The following BIN1 variants were observed in gnomAD, a reference collection of about 807,000 sequenced individuals.
BIN1 encodes the protein myc box-dependent-interacting protein 1.
In BIN1, 53 loss-of-function variants were observed where a neutral mutation model predicts 82.0. That is an observed-to-expected ratio of 0.65 (90% CI 0.52 to 0.81). The LOEUF (loss-of-function observed/expected upper bound fraction) is 0.81, where lower values mean the gene tolerates loss of function less well. BIN1 is among the 40% of genes least tolerant of loss of function. The pLI, the probability that BIN1 is intolerant of heterozygous loss-of-function variation, is 0.00. For synonymous variants in BIN1, 302 were observed against 328.0 expected, an observed-to-expected ratio of 0.92 and a Z score of 0.86; for missense variants, 642 against 784.4, an observed-to-expected ratio of 0.82 and a Z score of 2.17.
At position 127,053,287 on chromosome 2, in the gene BIN1, C is replaced by A. The variant is rs1373460560; in HGVS notation, c.1263+135G>T. On this transcript the variant is annotated intron_variant, in intron 14 of 18. Coordinates refer to ENST00000316724, the MANE Select transcript of BIN1 (RefSeq NM_139343.3). ...TTCACCAGCTCCCTGTGCGTGAGCA[C>A]GTGCCTGTGTGTCCTGCGTGTGGGG... The A allele has an allele frequency of 4.6e-6, 6 of 1,304,950 alleles. No homozygotes were observed. The South Asian group carries it at 6.3e-5, about 14-fold the overall frequency. 80.8% of individuals were successfully genotyped at this position (1,304,950 alleles called of 1,614,324 possible). A position where few individuals can be genotyped will look rare whatever the true frequency, so the allele number is the denominator to read the frequency against.
At position 127,067,053 on chromosome 2, in the gene BIN1, G is replaced by A. The variant is rs1173847662; in HGVS notation, c.612+1110C>T. 2.0e-5 allele frequency among the ~76,000 whole-genome samples: 3 copies of A among 146,552 alleles called. No homozygotes were observed. Among genetic ancestry groups the A allele is most frequent in the South Asian group, 2.2e-4 (1 of 4,470 alleles). On this transcript the variant is annotated intron_variant, in intron 7 of 18. Coordinates refer to ENST00000316724, the MANE Select transcript of BIN1 (RefSeq NM_139343.3). The surrounding 1 kb of genome is among the most constrained non-coding windows in gnomAD (Gnocchi z 4.7). ...ACCACTGCACTCCAGCCAGGGGAAC[G>A]GAGAGAAACCCGTTCAAAAAAAAAA...
Position 127,079,316 on chromosome 2 carries a change from C to T in BIN1, c.85-2610G>A, listed in dbSNP as rs973021682. Among the ~76,000 whole-genome samples the T allele has an allele frequency of 3.9e-5, 6 of 152,344 alleles. 1 individual carries two copies. The highest frequency in any genetic ancestry group is 1.3e-4 in the Admixed American group (2 of 15,310). On this transcript the variant is annotated intron_variant, in intron 1 of 18. Transcript: ENST00000316724. Reference sequence around the variant, plus strand: ...AAAATGAAGTGAACACTGGCACCCTCCTCAAGGATTACAAAGATCATGTCT... The same window carrying T: ...AAAATGAAGTGAACACTGGCACCCTTCTCAAGGATTACAAAGATCATGTCT...
chr2:127,099,257 C>G (rs956310934), intron 1 of BIN1, among the ~76,000 whole-genome samples: 3 of 152,142 alleles, frequency 2.0e-5, no homozygotes, highest in African/African-American at 7.2e-5. Context: ...TTGGTGACCA[C>G]AGGGACCAGA....
intron 12 of BIN1, chr2:127,054,228 G>A (rs1402789231): frequency 6.7e-6 from 4 of 599,580 alleles, no homozygotes; most frequent in South Asian, 3.7e-5. Flanking sequence ...CCAAAGCCAC[G>A]CGCCCCGGCA....
intron 1 of BIN1, among the ~76,000 whole-genome samples, chr2:127,098,606 C>G (rs1314944440): frequency 6.6e-6 from 1 of 151,958 alleles, no homozygotes. Context: ...CACCTGCTGT[C>G]GCACTTGGGA....
chr2:127,081,729 C>G, intron 1 of BIN1: 1 of 1,185,822 alleles, frequency 8.4e-7, no homozygotes, highest in Non-Finnish European at 1.1e-6. Context: ...CCCAACACCC[C>G]ACCCCCACAC....
Position 127,090,144 on chromosome 2 carries a change from T to C in BIN1, c.85-13438A>G, listed in dbSNP as rs1157038935. ...AATCAAGCTCCCCTCTGCAGCCTCC[T>C]TGCCTGCAGCTCTGCAAGGACCCTG... is the stretch of plus-strand genomic sequence containing the variant. On this transcript the variant is annotated intron_variant, in intron 1 of 18. Coordinates refer to ENST00000316724, the MANE Select transcript of BIN1 (RefSeq NM_139343.3). The surrounding 1 kb of genome is among the most constrained non-coding windows in gnomAD (Gnocchi z 6.4). Among the ~76,000 whole-genome samples the C allele has an allele frequency of 1.3e-5, 2 of 152,102 alleles. No homozygotes were observed. The highest frequency in any genetic ancestry group is 4.8e-5 in the African/African-American group (2 of 41,424).
rs1678853927 is a variant in BIN1 at position 127,090,997 on chromosome 2, C to CCTA, written c.85-14294_85-14292dup. Reference sequence around the variant, plus strand: ...GTCTGTTCCTGTCTGAGAAGCTCAACCTATACATGCAACCAGGCTATTCAT... The same window carrying CCTA: ...GTCTGTTCCTGTCTGAGAAGCTCAACCTACTATACATGCAACCAGGCTATTCAT... On this transcript the variant is annotated intron_variant, in intron 1 of 18. Transcript: ENST00000316724. This position sits in a 1 kb window ranked among gnomAD's most constrained non-coding sequence, Gnocchi z 6.4. Among the ~76,000 whole-genome samples the CCTA allele has an allele frequency of 6.6e-6, 1 of 152,202 alleles. No individual in the cohort carries two copies. Among genetic ancestry groups the CCTA allele is most frequent in the Non-Finnish European group, 1.5e-5 (1 of 68,042 alleles).
Position 127,048,578 on chromosome 2 carries a change from A to G in BIN1, c.1730T>C (p.Leu577Pro). ...KESDWNQHKELEKCRGVFPEN... is the reference protein window; with the variant it reads ...KESDWNQHKEPEKCRGVFPEN... ...GGGGAAGACGCCACGGCACTTCTCC[A>G]GCTCCTTGTGCTGGTTCCAGTCGCT... Residue 577 changes from leucine to proline, a missense_variant, in exon 19 of 19, where the codon CTG becomes CCG. Physicochemically the swap from Leu to Pro is moderately conservative, Grantham distance 98 (BLOSUM62 -3). Transcript: ENST00000316724. 1.2e-6 allele frequency: 2 copies of G among 1,613,816 alleles called. No individual in the cohort carries two copies. The highest frequency in any genetic ancestry group is 2.2e-5 in the South Asian group (2 of 91,062).
At chr2:127,086,891 C>A (rs1403735147) in intron 1 of BIN1, among the ~76,000 whole-genome samples, 1 of 152,154 alleles carries the variant, frequency 6.6e-6, no homozygotes, top group Admixed American at 6.5e-5. Flanking sequence ...TTGACAAGCC[C>A]CCATGCTCCG....
chr2:127,091,437 G>C (rs116312303), intron 1 of BIN1, among the ~76,000 whole-genome samples: 1 of 152,274 alleles, frequency 6.6e-6, no homozygotes, highest in African/African-American at 2.4e-5. Flanking sequence ...AAGGCTGGCA[G>C]GTTCTGAGTC....
chr2:127,079,309 G>T lies in BIN1; in HGVS notation c.85-2603C>A, dbSNP rs1687006270. 2.0e-5 allele frequency among the ~76,000 whole-genome samples: 3 copies of T among 152,314 alleles called. No individual in the cohort carries two copies. The South Asian group carries it at 6.2e-4, about 32-fold the overall frequency. ...AATCTACAAAATGAAGTGAACACTG[G>T]CACCCTCCTCAAGGATTACAAAGAT... On this transcript the variant is annotated intron_variant, in intron 1 of 18. Coordinates refer to ENST00000316724, the MANE Select transcript of BIN1 (RefSeq NM_139343.3).
At chr2:127,081,409 C>A (rs1285976376) in intron 1 of BIN1, among the ~76,000 whole-genome samples, 1 of 152,234 alleles carries the variant, frequency 6.6e-6, no homozygotes, top group Admixed American at 6.5e-5. Flanking sequence ...GCCGGGTCTT[C>A]GGGCTCACCC....
intron 7 of BIN1, among the ~76,000 whole-genome samples, chr2:127,066,763 A>C (rs2105034549): frequency 6.6e-6 from 1 of 152,324 alleles, no homozygotes; most frequent in South Asian, 2.1e-4. Context: ...ATCAGGCAGC[A>C]GATCAGGTGA....
intron 1 of BIN1, among the ~76,000 whole-genome samples, chr2:127,105,151 T>C (rs931464322): frequency 7.2e-5 from 11 of 151,976 alleles, no homozygotes; most frequent in Admixed American, 2.0e-4. Flanking sequence ...GAGAATGACA[T>C]CAAAGATGCT....
Position 127,064,009 on chromosome 2 carries a change from C to T in BIN1, c.622G>A (p.Glu208Lys). 1.2e-6 allele frequency: 2 copies of T among 1,613,864 alleles called. No individual in the cohort carries two copies. Among genetic ancestry groups the T allele is most frequent in the Non-Finnish European group, 1.7e-6 (2 of 1,179,998 alleles). Residue 208 changes from glutamate (E) to lysine (K), a missense_variant, in exon 8 of 19, where the codon GAG (glutamate) becomes AAG (lysine). By Grantham distance (56) the Glu-to-Lys change is moderately conservative. Transcript: ENST00000316724. ...TNLLRNQAEEELIKAQKVFEE... is the reference protein window; with the variant it reads ...TNLLRNQAEEKLIKAQKVFEE... Reference sequence around the variant, plus strand: ...AACACCTTCTGGGCTTTGATGAGCTCCTCCTCGGCCTGGGGGGCAGCACGG... The same window carrying T: ...AACACCTTCTGGGCTTTGATGAGCTTCTCCTCGGCCTGGGGGGCAGCACGG...
At chr2:127,053,744 C>T in intron 13 of BIN1, 161 bp downstream of exon 13, 1 of 753,358 alleles carries the variant, frequency 1.3e-6, no homozygotes. Context: ...GGGCTGCTTC[C>T]TGCCCTACAA....
intron 9 of BIN1, 111 bp from the exon 10 acceptor site, chr2:127,062,308 GCTC>G: frequency 9.2e-7 from 1 of 1,091,580 alleles, no homozygotes; most frequent in Non-Finnish European, 1.3e-6. Context: ...CCAGGAACAA[GCTC>G]CTCTTTCCCC....
intron 2 of BIN1, among the ~76,000 whole-genome samples, chr2:127,073,749 G>C (rs1686234149): frequency 6.6e-6 from 1 of 152,230 alleles, no homozygotes; most frequent in Non-Finnish European, 1.5e-5. Flanking sequence ...CCCCACCTCA[G>C]TGACAGACAA....
Sources: allele counts gnomAD v4.1 joint callset (sites outside exome capture counted in the v4.1 genomes callset), GRCh38; gene constraint gnomAD v4.1.1; non-coding constraint Gnocchi (gnomAD v3.1); transcripts MANE v1.5; gene names NCBI Gene and HGNC (gene_info 2026-07-23, HGNC 2026-07-21).